KCNJ3: variants seen among roughly 807,000 people sequenced by gnomAD.
The protein encoded by KCNJ3 is potassium inwardly rectifying channel subfamily J member 3, also known as G protein-activated inward rectifier potassium channel 1.
Under a neutral mutation model 39.2 loss-of-function variants are expected in KCNJ3, and 4 were observed. The observed-to-expected ratio is 0.10, with a 90% CI of 0.05 to 0.23. The LOEUF is 0.23. Ranked by LOEUF, KCNJ3 falls within the 10% of genes least tolerant of loss-of-function variation. KCNJ3 has a pLI of 1.00. For synonymous variants in KCNJ3, 230 were observed against 237.4 expected (o/e 0.97, Z 0.29); for missense variants, 276 against 634.9 (o/e 0.43, Z 6.08).
chr2:154,756,218 A>G (rs375594598), intron 2 of KCNJ3, among the ~76,000 whole-genome samples: 4 of 152,162 alleles, frequency 2.6e-5, no homozygotes, highest in East Asian at 3.9e-4. Context: ...ACCATTACCT[A>G]TCTAGATAAA....
intron 2 of KCNJ3, among the ~76,000 whole-genome samples, chr2:154,760,009 G>A (rs1427815393): frequency 6.7e-6 from 1 of 149,618 alleles, no homozygotes; most frequent in East Asian, 2.0e-4. Flanking sequence ...GAAGTACTGA[G>A]TGGTAGGGAA....
intron 2 of KCNJ3, among the ~76,000 whole-genome samples, chr2:154,802,684 T>A (rs550721703): frequency 5.9e-5 from 9 of 152,250 alleles, no homozygotes; most frequent in African/African-American, 2.2e-4. Context: ...TATAAGAAAT[T>A]AATTCTATCT....
chr2:154,839,033 G>C (rs1051012121), intron 2 of KCNJ3, among the ~76,000 whole-genome samples: 8 of 152,096 alleles, frequency 5.3e-5, no homozygotes, highest in Admixed American at 2.6e-4. Context: ...TGCCATGTTT[G>C]TTTGCTGCAC....
chr2:154,708,153 A>T (rs912124068), intron 1 of KCNJ3, among the ~76,000 whole-genome samples: 1 of 152,126 alleles, frequency 6.6e-6, no homozygotes, highest in Non-Finnish European at 1.5e-5. Flanking sequence ...TAGAGAAGAA[A>T]AATAGTCTCC....
intron 2 of KCNJ3, among the ~76,000 whole-genome samples, chr2:154,828,310 C>G (rs985935064): frequency 3.3e-5 from 5 of 152,144 alleles, no homozygotes; most frequent in African/African-American, 1.2e-4. Flanking sequence ...ATATTAAAAG[C>G]TTTAGATATC....
chr2:154,766,163 G>A (rs1234335927), intron 2 of KCNJ3, among the ~76,000 whole-genome samples: 1 of 152,166 alleles, frequency 6.6e-6, no homozygotes, highest in African/African-American at 2.4e-5. Context: ...TCTGCAAAAG[G>A]ACGTAATGAG....
At chr2:154,811,671 A>G (rs1458033966) in intron 2 of KCNJ3, among the ~76,000 whole-genome samples, 2 of 152,020 alleles carry the variant, frequency 1.3e-5, no homozygotes, top group Non-Finnish European at 2.9e-5. Flanking sequence ...CCACTATACC[A>G]TTGTTACTTC....
At chr2:154,708,885 A>G (rs566974853) in intron 1 of KCNJ3, among the ~76,000 whole-genome samples, 7 of 152,180 alleles carry the variant, frequency 4.6e-5, no homozygotes, top group Non-Finnish European at 1.0e-4. Flanking sequence ...ATTTTGATTA[A>G]AGAAAGTTCA....
intron 2 of KCNJ3, among the ~76,000 whole-genome samples, chr2:154,739,790 C>T (rs187141945): frequency 6.6e-6 from 1 of 152,112 alleles, no homozygotes; most frequent in African/African-American, 2.4e-5. Flanking sequence ...CAGAAGAGTA[C>T]TCAGGCTAAT....
chr2:154,807,569 A>C (rs1686933066), intron 2 of KCNJ3, among the ~76,000 whole-genome samples: 1 of 152,200 alleles, frequency 6.6e-6, no homozygotes, highest in Non-Finnish European at 1.5e-5. Flanking sequence ...GGTGGCATTT[A>C]TCTATCCCAT....
At chr2:154,819,043 T>C (rs1464504948) in intron 2 of KCNJ3, among the ~76,000 whole-genome samples, 1 of 149,056 alleles carries the variant, frequency 6.7e-6, no homozygotes, top group African/African-American at 2.5e-5. Flanking sequence ...AGTGTGTCTA[T>C]AATCCCAGCT....
chr2:154,777,651 G>A (rs1055582557), intron 2 of KCNJ3, among the ~76,000 whole-genome samples: 1 of 152,040 alleles, frequency 6.6e-6, no homozygotes, highest in African/African-American at 2.4e-5. Context: ...CCCACTGTGT[G>A]GTATATCCTG....
At chr2:154,732,286 T>C (rs974529814) in intron 2 of KCNJ3, among the ~76,000 whole-genome samples, 3 of 152,150 alleles carry the variant, frequency 2.0e-5, no homozygotes, top group South Asian at 2.1e-4. Context: ...TTGATTGCTA[T>C]GGGAATTTGT....
chr2:154,702,740 T>A (rs1025866306), intron 1 of KCNJ3, among the ~76,000 whole-genome samples: 6 of 152,104 alleles, frequency 3.9e-5, no homozygotes, highest in African/African-American at 1.4e-4. Context: ...AAGGCTATAG[T>A]TTGAAGTTCC....
rs894412944 is a variant in KCNJ3 at position 154,778,742 on chromosome 2, A to G, written c.919+68923A>G. On this transcript the variant is annotated intron_variant, in intron 2 of 2. Coordinates refer to ENST00000295101, the MANE Select transcript of KCNJ3 (RefSeq NM_002239.4). ...TTTTGGAAAACAATAATATTCTTATAAAATTATAGTTGAGATTGGGAATAA... is the reference window on the plus strand; with the variant it reads ...TTTTGGAAAACAATAATATTCTTATGAAATTATAGTTGAGATTGGGAATAA... 2.0e-5 allele frequency among the ~76,000 whole-genome samples: 3 copies of G among 152,296 alleles called. No individual in the cohort carries two copies. In the East Asian group the frequency reaches 5.8e-4, roughly 29 times the overall value.
intron 2 of KCNJ3, among the ~76,000 whole-genome samples, chr2:154,719,176 G>A (rs1685228078): frequency 6.6e-6 from 1 of 152,110 alleles, no homozygotes; most frequent in South Asian, 2.1e-4. Flanking sequence ...TCCAGGAAAT[G>A]TGCATTTTTA....
chr2:154,857,356 T>G lies in KCNJ3; in HGVS notation c.*2043T>G, dbSNP rs1233734005. 3 of 152,082 alleles carry G rather than the reference T, an allele frequency of 2.0e-5. No individual in the cohort carries two copies. Among genetic ancestry groups the G allele is most frequent in the African/African-American group, 7.2e-5 (3 of 41,398 alleles). 9.4% of individuals were successfully genotyped at this position (152,082 alleles called of 1,614,324 possible). A position where few individuals can be genotyped will look rare whatever the true frequency, so the allele number is the denominator to read the frequency against. ...TTTGGAGAGTCATTTTAATTTGTCT[T>G]TGGTACCAAGGAGAAGACGGAACCA... On this transcript the variant is annotated 3_prime_UTR_variant, in exon 3 of 3. Transcript: ENST00000295101.
At chr2:154,814,453 C>T (rs1271501980) in intron 2 of KCNJ3, among the ~76,000 whole-genome samples, 2 of 151,972 alleles carry the variant, frequency 1.3e-5, no homozygotes, top group African/African-American at 4.8e-5. Context: ...GGCTGGCCAA[C>T]ATGGTGAAAC....
At chr2:154,835,165 T>C (rs1687431792) in intron 2 of KCNJ3, among the ~76,000 whole-genome samples, 1 of 151,902 alleles carries the variant, frequency 6.6e-6, no homozygotes, top group Non-Finnish European at 1.5e-5. Flanking sequence ...ATTACTTCAT[T>C]AAGTAGGCTC....
Sources: gnomAD v4.1 joint callset for allele counts (sites outside exome capture counted in the v4.1 genomes callset) on GRCh38, gnomAD v4.1.1 for gene constraint, MANE v1.5 for transcripts, NCBI Gene and HGNC (gene_info 2026-07-23, HGNC 2026-07-21) for gene names.